The following PCDH9 variants were observed in gnomAD, a reference collection of about 807,000 sequenced individuals.
PCDH9 encodes the protein protocadherin-9.
A neutral mutation model predicts 70.6 loss-of-function variants in PCDH9; 24 were observed. The observed-to-expected ratio is 0.34, with a 90% CI of 0.25 to 0.48. The LOEUF is 0.48. PCDH9 is among the 20% of genes least tolerant of loss of function. The probability of loss-of-function intolerance (pLI) is 0.99; values close to 1 mark genes in which losing one functional copy is unlikely to be tolerated. For synonymous variants in PCDH9, 562 were observed against 558.5 expected (o/e 1.01, Z -0.09); for missense variants, 1,281 against 1,503.6 (o/e 0.85, Z 2.45).
intron 4 of PCDH9, among the ~76,000 whole-genome samples, chr13:66,531,387 T>C (rs568123923): frequency 6.6e-6 from 1 of 152,096 alleles, no homozygotes; most frequent in African/African-American, 2.4e-5. Flanking sequence ...AATAGTTATA[T>C]ATGGAAAGCT....
At chr13:67,110,411 G>C (rs1048702273) in intron 2 of PCDH9, among the ~76,000 whole-genome samples, 2 of 151,434 alleles carry the variant, frequency 1.3e-5, no homozygotes, top group African/African-American at 4.9e-5. Context: ...CTACTCAGCA[G>C]GCTGAGGCAG....
intron 3 of PCDH9, among the ~76,000 whole-genome samples, chr13:66,815,689 T>C (rs1423657674): frequency 6.6e-6 from 1 of 152,114 alleles, no homozygotes; most frequent in Admixed American, 6.6e-5. Flanking sequence ...ATGTTCTCAC[T>C]TATAAGTGGG....
chr13:66,888,491 GA>G lies in PCDH9; in HGVS notation c.3138+15012del, dbSNP rs1295724814. Among the ~76,000 whole-genome samples the G allele has an allele frequency of 3.4e-5, 5 of 147,286 alleles. No homozygotes were observed. The South Asian group carries it at 8.5e-4, about 25-fold the overall frequency. On this transcript the variant is annotated intron_variant, in intron 3 of 4. Coordinates refer to ENST00000377865, the MANE Select transcript of PCDH9 (RefSeq NM_203487.3). The stretch of plus-strand genomic sequence containing the variant: ...TCACTGCACTCCAGCCTGGGTGACA[GA>G]AAAAAATAAAATATAAATAAAAAAA...
chr13:66,962,481 G>A (rs1002999410), intron 2 of PCDH9, among the ~76,000 whole-genome samples: 1 of 152,220 alleles, frequency 6.6e-6, no homozygotes, highest in Non-Finnish European at 1.5e-5. Flanking sequence ...ACATCACAGA[G>A]TGCACAGACA....
intron 4 of PCDH9, among the ~76,000 whole-genome samples, chr13:66,515,041 G>A (rs76478236): frequency 0.12 from 17,700 of 151,998 alleles, 1,232 homozygotes; most frequent in Middle Eastern, 0.21. Flanking sequence ...TGCAAGTGCT[G>A]TGAGAGCACT....
At chr13:66,652,548 T>C (rs2077867772) in intron 3 of PCDH9, among the ~76,000 whole-genome samples, 1 of 151,700 alleles carries the variant, frequency 6.6e-6, no homozygotes, top group Non-Finnish European at 1.5e-5. Flanking sequence ...AAAATGTACA[T>C]ACTACCTAAA....
intron 2 of PCDH9, among the ~76,000 whole-genome samples, chr13:66,963,568 T>C (rs959075362): frequency 6.6e-6 from 1 of 152,226 alleles, no homozygotes; most frequent in South Asian, 2.1e-4. Flanking sequence ...ATTGATAGAC[T>C]TTGATTTTTA....
At chr13:67,172,978 TA>T (rs1184372266) in intron 2 of PCDH9, among the ~76,000 whole-genome samples, 1 of 150,522 alleles carries the variant, frequency 6.6e-6, no homozygotes, top group African/African-American at 2.4e-5. Context: ...CTAACTAAAA[TA>T]ATGCAGAAAA....
chr13:67,159,065 C>A (rs944735040), intron 2 of PCDH9, among the ~76,000 whole-genome samples: 10 of 152,118 alleles, frequency 6.6e-5, no homozygotes, highest in Non-Finnish European at 1.0e-4. Flanking sequence ...AAAGGAGATG[C>A]TATTATGGCT....
intron 4 of PCDH9, among the ~76,000 whole-genome samples, chr13:66,468,783 T>A (rs986829558): frequency 6.6e-6 from 1 of 152,090 alleles, no homozygotes; most frequent in Non-Finnish European, 1.5e-5. Flanking sequence ...GGTAATGAGT[T>A]GAACAAAGCT....
intron 4 of PCDH9, among the ~76,000 whole-genome samples, chr13:66,504,116 T>C (rs938780786): frequency 1.3e-5 from 2 of 152,202 alleles, no homozygotes; most frequent in Non-Finnish European, 2.9e-5. Context: ...GTCATTGTAC[T>C]CACTGGCTCC....
chr13:67,050,378 T>C (rs1235719871), intron 2 of PCDH9, among the ~76,000 whole-genome samples: 1 of 152,178 alleles, frequency 6.6e-6, no homozygotes, highest in Non-Finnish European at 1.5e-5. Flanking sequence ...CCTACCATAT[T>C]GGTATTTTAG....
chr13:66,959,335 T>C (rs1186314901), intron 2 of PCDH9, among the ~76,000 whole-genome samples: 2 of 152,202 alleles, frequency 1.3e-5, no homozygotes, highest in Non-Finnish European at 2.9e-5. Context: ...TTTTTTTCTA[T>C]AAAAGTATCT....
At chr13:66,635,719 T>C (rs2077628463) in intron 3 of PCDH9, among the ~76,000 whole-genome samples, 2 of 152,262 alleles carry the variant, frequency 1.3e-5, no homozygotes, top group South Asian at 4.2e-4. Context: ...ATGGTTCTCT[T>C]ATGTTTTTCT....
intron 4 of PCDH9, among the ~76,000 whole-genome samples, chr13:66,375,599 C>A (rs1211227604): frequency 1.3e-5 from 2 of 152,010 alleles, no homozygotes; most frequent in Non-Finnish European, 2.9e-5. Flanking sequence ...TGTAATATTT[C>A]TTACTGGCTG....
At chr13:66,548,168 A>T (rs1961301342) in intron 4 of PCDH9, among the ~76,000 whole-genome samples, 1 of 151,974 alleles carries the variant, frequency 6.6e-6, no homozygotes, top group African/African-American at 2.4e-5. Flanking sequence ...AAATTTTGCA[A>T]TATTAGAGCC....
At chr13:66,813,470 G>A (rs2080546061) in intron 3 of PCDH9, among the ~76,000 whole-genome samples, 1 of 151,324 alleles carries the variant, frequency 6.6e-6, no homozygotes, top group Non-Finnish European at 1.5e-5. Flanking sequence ...AGGGAGGAAG[G>A]GAAGAAGGAA....
intron 4 of PCDH9, among the ~76,000 whole-genome samples, chr13:66,331,794 A>G (rs1307460349): frequency 6.6e-6 from 1 of 152,136 alleles, no homozygotes; most frequent in African/African-American, 2.4e-5. Flanking sequence ...AGAACTTAGG[A>G]ACAACAAGTT....
At chr13:66,507,397 A>C (rs1959238981) in intron 4 of PCDH9, among the ~76,000 whole-genome samples, 1 of 152,186 alleles carries the variant, frequency 6.6e-6, no homozygotes, top group Non-Finnish European at 1.5e-5. Context: ...ATTTATTTTG[A>C]ACTTTACAGG....
Sources: gnomAD v4.1 joint callset for allele counts (sites outside exome capture counted in the v4.1 genomes callset) on GRCh38, gnomAD v4.1.1 for gene constraint, MANE v1.5 for transcripts, NCBI Gene and HGNC (gene_info 2026-07-23, HGNC 2026-07-21) for gene names.